Variants in METTL15 observed in about 807,000 individuals in gnomAD.
METTL15 encodes 12S rRNA N(4)-cytidine methyltransferase METTL15.
In METTL15, 34 loss-of-function variants were observed where a neutral mutation model predicts 38.3. The observed-to-expected ratio is 0.89, with a 90% CI of 0.68 to 1.18. The LOEUF (loss-of-function observed/expected upper bound fraction) is 1.18, where lower values mean the gene tolerates loss of function less well. Among genes scored for constraint, METTL15 ranks in the 50% most tolerant of loss-of-function variants. The pLI is 0.00. For synonymous variants in METTL15, 162 were observed against 170.9 expected (o/e 0.95, Z 0.41); for missense variants, 438 against 498.4 (o/e 0.88, Z 1.15).
intron 6 of METTL15, among the ~76,000 whole-genome samples, chr11:28,512,524 G>C (rs898765299): frequency 6.6e-6 from 1 of 152,206 alleles, no homozygotes; most frequent in Admixed American, 6.5e-5. Flanking sequence ...CAGCGCCGGT[G>C]AGCCGGCACT....
intron 6 of METTL15, among the ~76,000 whole-genome samples, chr11:28,312,760 G>A (rs1170826077): frequency 6.6e-6 from 1 of 152,146 alleles, no homozygotes; most frequent in Non-Finnish European, 1.5e-5. Context: ...AAAAGAGCAT[G>A]CATGCAGGAG....
intron 6 of METTL15, among the ~76,000 whole-genome samples, chr11:28,446,565 A>G (rs1046336360): frequency 3.3e-5 from 5 of 152,128 alleles, no homozygotes; most frequent in African/African-American, 9.7e-5. Context: ...TTACACATAC[A>G]GGGTAAAGTA....
intron 6 of METTL15, among the ~76,000 whole-genome samples, chr11:28,304,528 C>T (rs1215932236): frequency 1.3e-5 from 2 of 152,034 alleles, no homozygotes. Flanking sequence ...CTGGCCTGTT[C>T]AACATGGTGA....
intron 4 of METTL15, 73 bp from the exon 5 acceptor site, chr11:28,290,132 TC>T: frequency 8.0e-7 from 1 of 1,257,070 alleles, no homozygotes; most frequent in East Asian, 2.5e-5. Flanking sequence ...TGTGCTCCCT[TC>T]CATTGATCAT....
rs913253534 is a variant in METTL15 at position 28,267,873 on chromosome 11, T to C, written c.408-22333T>C. 3.2e-4 allele frequency among the ~76,000 whole-genome samples: 49 copies of C among 152,232 alleles called. 1 individual carries two copies. The highest frequency in any genetic ancestry group is 5.9e-5 in the Non-Finnish European group (4 of 68,032). On this transcript the variant is annotated intron_variant, in intron 4 of 6. Coordinates refer to ENST00000407364, the MANE Select transcript of METTL15 (RefSeq NM_001113528.2). ...ATGGATGAATTTATATGATATTTTA[T>C]AAACACTTTTATATAAATGTCTACA...
intron 6 of METTL15, among the ~76,000 whole-genome samples, chr11:28,439,871 A>G (rs1032224587): frequency 6.6e-6 from 1 of 152,204 alleles, no homozygotes; most frequent in African/African-American, 2.4e-5. Flanking sequence ...ATGTAGGTTC[A>G]TTGCTCACCT....
chr11:28,501,801 A>C (rs180957368), intron 6 of METTL15, among the ~76,000 whole-genome samples: 2 of 152,092 alleles, frequency 1.3e-5, no homozygotes, highest in Non-Finnish European at 2.9e-5. Context: ...TACCATGTGC[A>C]CTCAAGAACC....
intron 5 of METTL15, among the ~76,000 whole-genome samples, chr11:28,389,648 T>C (rs1850480900): frequency 6.6e-6 from 1 of 152,004 alleles, no homozygotes; most frequent in African/African-American, 2.4e-5. Context: ...GCATTTGGGT[T>C]GGTTCCAGGT....
chr11:28,131,886 G>A (rs1021927386), intron 3 of METTL15, among the ~76,000 whole-genome samples: 6 of 152,128 alleles, frequency 3.9e-5, no homozygotes, highest in Non-Finnish European at 1.5e-5. Context: ...GAGCTATTTA[G>A]TTGTTGTACT....
At chr11:28,114,906 A>G (rs1851876354) in intron 3 of METTL15, among the ~76,000 whole-genome samples, 1 of 152,224 alleles carries the variant, frequency 6.6e-6, no homozygotes, top group Non-Finnish European at 1.5e-5. Flanking sequence ...GAAAAAGAAC[A>G]TTACACTGGC....
intron 4 of METTL15, among the ~76,000 whole-genome samples, chr11:28,240,906 TA>T (rs1369123336): frequency 6.6e-6 from 1 of 152,164 alleles, no homozygotes; most frequent in Non-Finnish European, 1.5e-5. Context: ...AAACTTTTTT[TA>T]AAAAGCCAAG....
chr11:28,314,920 T>C (rs990430059), intron 6 of METTL15, among the ~76,000 whole-genome samples: 1 of 152,244 alleles, frequency 6.6e-6, no homozygotes, highest in Non-Finnish European at 1.5e-5. Context: ...TGTGACTTGC[T>C]CCTCATTGCC....
intron 5 of METTL15, among the ~76,000 whole-genome samples, chr11:28,384,547 T>G (rs1850421323): frequency 6.6e-6 from 1 of 152,140 alleles, no homozygotes; most frequent in Non-Finnish European, 1.5e-5. Flanking sequence ...TGACCTCAGA[T>G]GATGCACTTG....
At chr11:28,413,370 T>C (rs1590366043) in intron 5 of METTL15, among the ~76,000 whole-genome samples, 1 of 152,270 alleles carries the variant, frequency 6.6e-6, no homozygotes, top group Non-Finnish European at 1.5e-5. Flanking sequence ...CTAAGATGTT[T>C]CATAAACTGA....
intron 3 of METTL15, among the ~76,000 whole-genome samples, chr11:28,197,132 A>G (rs1381739838): frequency 6.6e-6 from 1 of 151,972 alleles, no homozygotes. Flanking sequence ...TAAGAAACGC[A>G]GCATAGTTGG....
At chr11:28,184,817 G>T (rs1219127771) in intron 3 of METTL15, among the ~76,000 whole-genome samples, 1 of 151,306 alleles carries the variant, frequency 6.6e-6, no homozygotes, top group Non-Finnish European at 1.5e-5. Flanking sequence ...AAAAATAAAG[G>T]ATATTTTATA....
chr11:28,318,021 G>A (rs150927416), intron 6 of METTL15, among the ~76,000 whole-genome samples: 247 of 152,260 alleles, frequency 1.6e-3, no homozygotes, highest in African/African-American at 5.7e-3. Flanking sequence ...CCCAATTTGC[G>A]TTTACCAGAA....
At chr11:28,393,850 T>A (rs964973811) in intron 5 of METTL15, among the ~76,000 whole-genome samples, 2 of 152,156 alleles carry the variant, frequency 1.3e-5, no homozygotes, top group African/African-American at 4.8e-5. Context: ...GAAGGTTGGC[T>A]ACAACCACAT....
intron 5 of METTL15, among the ~76,000 whole-genome samples, chr11:28,420,950 G>A (rs192557896): frequency 6.6e-6 from 1 of 151,970 alleles, no homozygotes; most frequent in Admixed American, 6.6e-5. Context: ...AAACAAAATT[G>A]ACAACCTTTT....
Sources: allele counts gnomAD v4.1 joint callset (sites outside exome capture counted in the v4.1 genomes callset), GRCh38; gene constraint gnomAD v4.1.1; transcripts MANE v1.5; gene names NCBI Gene and HGNC (gene_info 2026-07-23, HGNC 2026-07-21).